The following OSBPL8 variants were observed in gnomAD, a reference collection of about 807,000 sequenced individuals.
OSBPL8 encodes the protein oxysterol-binding protein-related protein 8.
OSBPL8 carries 59 observed loss-of-function variants against 125.5 expected under a neutral mutation model. That is an observed-to-expected ratio of 0.47 (90% CI 0.38 to 0.58). OSBPL8 has a LOEUF of 0.58. Ranked by LOEUF, OSBPL8 falls within the 20% of genes least tolerant of loss-of-function variation. The pLI, the probability that OSBPL8 is intolerant of heterozygous loss-of-function variation, is 0.00. For missense variants in OSBPL8, 758 were observed against 1,047.8 expected, an observed-to-expected ratio of 0.72 and a Z score of 3.82; for synonymous variants, 330 against 338.9, an observed-to-expected ratio of 0.97 and a Z score of 0.29.
chr12:76,518,608 CT>C (rs1288223836), intron 1 of OSBPL8, among the ~76,000 whole-genome samples: 3 of 152,180 alleles, frequency 2.0e-5, no homozygotes, highest in Non-Finnish European at 2.9e-5. Flanking sequence ...GGCTCCACCC[CT>C]GAGGCAGGCT....
intron 2 of OSBPL8, among the ~76,000 whole-genome samples, chr12:76,479,974 A>C (rs969660602): frequency 6.6e-6 from 1 of 151,964 alleles, no homozygotes; most frequent in African/African-American, 2.4e-5. Context: ...CAAGACCAGC[A>C]TAACCAACAC....
chr12:76,412,205 T>C (rs1030705818), intron 4 of OSBPL8, among the ~76,000 whole-genome samples: 5 of 151,904 alleles, frequency 3.3e-5, no homozygotes, highest in Non-Finnish European at 7.4e-5. Context: ...ACAACAAATA[T>C]TGAGTGAGAA....
At chr12:76,464,303 C>T (rs2136861577) in intron 2 of OSBPL8, among the ~76,000 whole-genome samples, 1 of 152,276 alleles carries the variant, frequency 6.6e-6, no homozygotes, top group African/African-American at 2.4e-5. Context: ...GCAACAGTTT[C>T]TCTAATTGAC....
chr12:76,399,838 C>T (rs1592606369), intron 7 of OSBPL8, 35 bp downstream of exon 7: 2 of 1,522,752 alleles, frequency 1.3e-6, no homozygotes, highest in East Asian at 2.3e-5. Context: ...GGTAAACATC[C>T]AGCAATCTGA....
chr12:76,479,188 AT>A (rs1877171305), intron 2 of OSBPL8, among the ~76,000 whole-genome samples: 1 of 152,254 alleles, frequency 6.6e-6, no homozygotes, highest in Non-Finnish European at 1.5e-5. Flanking sequence ...TGGATTGTAC[AT>A]TTTAAAATAA....
At chr12:76,395,939 C>A (rs1358112718) in intron 8 of OSBPL8, among the ~76,000 whole-genome samples, 4 of 151,340 alleles carry the variant, frequency 2.6e-5, no homozygotes, top group Non-Finnish European at 4.4e-5. Context: ...ACATTAAAAT[C>A]ATTAATGGCT....
intron 16 of OSBPL8, among the ~76,000 whole-genome samples, chr12:76,377,618 T>C (rs1004925424): frequency 2.0e-5 from 3 of 152,188 alleles, no homozygotes; most frequent in Non-Finnish European, 4.4e-5. Flanking sequence ...TATTGAATAA[T>C]TTATATGTTT....
intron 19 of OSBPL8, 127 bp from the exon 20 acceptor site, chr12:76,369,949 TA>T (rs1565832638): frequency 1.1e-6 from 1 of 874,694 alleles, no homozygotes; most frequent in African/African-American, 1.7e-5. Flanking sequence ...TGACAACACT[TA>T]TGCTCATAGG....
At chr12:76,493,147 C>T (rs1878911729) in intron 1 of OSBPL8, among the ~76,000 whole-genome samples, 2 of 152,124 alleles carry the variant, frequency 1.3e-5, no homozygotes, top group Non-Finnish European at 1.5e-5. Flanking sequence ...TTTGTTTTCT[C>T]ATTTGCAAAT....
intron 2 of OSBPL8, among the ~76,000 whole-genome samples, chr12:76,485,047 G>A (rs987586385): frequency 1.7e-4 from 26 of 151,530 alleles, no homozygotes; most frequent in Non-Finnish European, 2.5e-4. Flanking sequence ...CAGCCTCCTC[G>A]GTAGCTGGGA....
chr12:76,524,079 C>G (rs1420770506), intron 1 of OSBPL8, among the ~76,000 whole-genome samples: 1 of 151,654 alleles, frequency 6.6e-6, no homozygotes, highest in African/African-American at 2.4e-5. Context: ...CATACATAAA[C>G]AAAGAATGAA....
chr12:76,488,569 T>C (rs887314194), intron 1 of OSBPL8, among the ~76,000 whole-genome samples: 2 of 152,196 alleles, frequency 1.3e-5, no homozygotes, highest in Non-Finnish European at 2.9e-5. Flanking sequence ...ACCCTTTTCA[T>C]TAAAGTATCT....
chr12:76,371,432 A>T lies in OSBPL8; in HGVS notation c.2054+16T>A. 6.3e-7 allele frequency: 1 copy of T among 1,585,088 alleles called. No individual in the cohort carries two copies. Among genetic ancestry groups the T allele is most frequent in the Non-Finnish European group, 8.6e-7 (1 of 1,166,390 alleles). On this transcript the variant is annotated intron_variant, in intron 19 of 23. Transcript: ENST00000261183. ...CTCTGATCCTCATGAAGTTAGCTGT[A>T]AAACAGTATACTTACTTCTCTGATT...
intron 1 of OSBPL8, among the ~76,000 whole-genome samples, chr12:76,515,237 G>C (rs1019629675): frequency 4.6e-5 from 7 of 152,180 alleles, no homozygotes; most frequent in African/African-American, 1.7e-4. Context: ...TGGAGTTCTT[G>C]AGTTACTGGA....
chr12:76,536,168 T>C (rs562310082), intron 1 of OSBPL8, among the ~76,000 whole-genome samples: 1 of 151,998 alleles, frequency 6.6e-6, no homozygotes, highest in African/African-American at 2.4e-5. Flanking sequence ...TAACAATGTT[T>C]AAAATCAGAA....
chr12:76,491,993 A>G (rs887487759), intron 1 of OSBPL8, among the ~76,000 whole-genome samples: 3 of 152,160 alleles, frequency 2.0e-5, no homozygotes, highest in African/African-American at 7.2e-5. Context: ...TGAATACATC[A>G]ATTTGCAAAG....
At chr12:76,432,684 T>A (rs1870986490) in intron 4 of OSBPL8, among the ~76,000 whole-genome samples, 1 of 150,364 alleles carries the variant, frequency 6.7e-6, no homozygotes, top group Non-Finnish European at 1.5e-5. Context: ...AAGGAAAGAA[T>A]AAAAATTAGA....
At position 76,361,127 on chromosome 12, in the gene OSBPL8, T is replaced by C. The variant is rs138043882; in HGVS notation, c.2329-2316A>G. The stretch of plus-strand genomic sequence containing the variant: ...AATTTTCCAAACTTCTATGTTCTGT[T>C]TCCCTTTTAAAACAGACTGCTTTTA... On this transcript the variant is annotated intron_variant, in intron 21 of 23. Transcript: ENST00000261183. 6.6e-3 allele frequency among the ~76,000 whole-genome samples: 998 copies of C among 152,326 alleles called. 6 individuals are homozygous for C. The highest frequency in any genetic ancestry group is 0.037 in the Middle Eastern group (11 of 294).
chr12:76,494,612 C>T (rs751577043), intron 1 of OSBPL8, among the ~76,000 whole-genome samples: 6 of 151,914 alleles, frequency 3.9e-5, no homozygotes, highest in Non-Finnish European at 8.8e-5. Context: ...CTGAATATGG[C>T]GTGAGGATGA....
Sources: gnomAD v4.1 joint callset for allele counts (sites outside exome capture counted in the v4.1 genomes callset) on GRCh38, gnomAD v4.1.1 for gene constraint, MANE v1.5 for transcripts, NCBI Gene and HGNC (gene_info 2026-07-23, HGNC 2026-07-21) for gene names.